Variants in FTCDNL1 observed in about 807,000 individuals in gnomAD.
FTCDNL1 encodes formiminotransferase N-terminal subdomain-containing protein.
A neutral mutation model predicts 5.9 loss-of-function variants in FTCDNL1; 11 were observed. The ratio of observed to expected loss-of-function variants is 1.87; its 90% confidence interval spans 1.18 to 3.10. The LOEUF (loss-of-function observed/expected upper bound fraction) is 3.10, where lower values mean the gene tolerates loss of function less well. FTCDNL1 is among the 30% of genes most tolerant of loss of function. The probability of loss-of-function intolerance (pLI) is 0.00; values close to 1 mark genes in which losing one functional copy is unlikely to be tolerated. For synonymous variants in FTCDNL1, 58 were observed against 24.8 expected (o/e 2.34, Z -3.99); for missense variants, 115 against 65.5 (o/e 1.76, Z -2.61).
At chr2:199,842,518 G>A (rs1382130800) in intron 3 of FTCDNL1, among the ~76,000 whole-genome samples, 1 of 152,082 alleles carries the variant, frequency 6.6e-6, no homozygotes, top group African/African-American at 2.4e-5. Context: ...ATGTCTCTAT[G>A]TATATATACA....
intron 4 of FTCDNL1, 29 bp downstream of exon 4, chr2:199,819,542 AC>A (rs1308851866): frequency 1.2e-5 from 8 of 685,100 alleles, no homozygotes; most frequent in African/African-American, 3.6e-5. Context: ...AAAAAAAAAA[AC>A]AGAGCAAAGC....
At chr2:199,742,339 G>A in the FTCDNL1 span, among the ~76,000 whole-genome samples, 12 of 152,034 alleles carry the variant, frequency 7.9e-5, no homozygotes, top group African/African-American at 2.9e-4. Context: ...GTGGGGTGGG[G>A]GGAATTCCTC....
At chr2:199,705,716 A>C in the FTCDNL1 span, among the ~76,000 whole-genome samples, 1 of 151,366 alleles carries the variant, frequency 6.6e-6, no homozygotes, top group Non-Finnish European at 1.5e-5. Context: ...GTGTAGATGC[A>C]CTTTATCAAG....
At chr2:199,687,846 A>G in the FTCDNL1 span, among the ~76,000 whole-genome samples, 2 of 152,140 alleles carry the variant, frequency 1.3e-5, no homozygotes, top group Non-Finnish European at 2.9e-5. Flanking sequence ...TTTGTAATAT[A>G]TGTGTTTTTA....
downstream of FTCDNL1, among the ~76,000 whole-genome samples, chr2:199,758,741 G>A (rs189707394): frequency 2.1e-4 from 32 of 152,284 alleles, 1 homozygote; most frequent in East Asian, 5.4e-3. Context: ...AGGAAATGGG[G>A]TAGGGGTTTC....
At chr2:199,793,366 A>AG (rs1178478325) in intron 3 of FTCDNL1, among the ~76,000 whole-genome samples, 9 of 152,220 alleles carry the variant, frequency 5.9e-5, no homozygotes, top group Admixed American at 3.3e-4. Flanking sequence ...TAGACGGAGG[A>AG]GGGGGGGCAT....
chr2:199,692,932 G>A, the FTCDNL1 span, among the ~76,000 whole-genome samples: 4 of 152,188 alleles, frequency 2.6e-5, no homozygotes, highest in Non-Finnish European at 4.4e-5. Context: ...AAAGAAAATG[G>A]CTGTGTTTTC....
intron 3 of FTCDNL1, among the ~76,000 whole-genome samples, chr2:199,764,989 G>T (rs1370855998): frequency 2.6e-5 from 4 of 152,074 alleles, no homozygotes; most frequent in Non-Finnish European, 5.9e-5. Flanking sequence ...GCCACTCATG[G>T]GTAAACAGCC....
At chr2:199,750,403 G>T in the FTCDNL1 span, among the ~76,000 whole-genome samples, 2 of 151,856 alleles carry the variant, frequency 1.3e-5, no homozygotes, top group Non-Finnish European at 2.9e-5. Flanking sequence ...AATCTCAGTT[G>T]CTCTATAGGT....
At chr2:199,796,554 G>A (rs1172999945) in intron 3 of FTCDNL1, among the ~76,000 whole-genome samples, 1 of 152,084 alleles carries the variant, frequency 6.6e-6, no homozygotes, top group African/African-American at 2.4e-5. Flanking sequence ...AGTGCACTTG[G>A]TTTTAACTTT....
chr2:199,788,792 C>G (rs17445046), intron 3 of FTCDNL1, among the ~76,000 whole-genome samples: 2,275 of 151,892 alleles, frequency 0.015, 24 homozygotes, highest in Non-Finnish European at 0.023. Flanking sequence ...AAAAGACTCA[C>G]AAGCCTGATT....
chr2:199,835,848 A>C (rs1167500405), intron 3 of FTCDNL1, among the ~76,000 whole-genome samples: 2 of 152,180 alleles, frequency 1.3e-5, no homozygotes, highest in Non-Finnish European at 2.9e-5. Flanking sequence ...TATCTACTGA[A>C]AATCAGAAAA....
intron 3 of FTCDNL1, among the ~76,000 whole-genome samples, chr2:199,796,100 T>C (rs1700157666): frequency 6.6e-6 from 1 of 152,180 alleles, no homozygotes; most frequent in Non-Finnish European, 1.5e-5. Flanking sequence ...TCTAGAGATA[T>C]ATGTTATTGA....
intron 3 of FTCDNL1, among the ~76,000 whole-genome samples, chr2:199,793,473 A>G (rs1700029225): frequency 6.6e-6 from 1 of 152,202 alleles, no homozygotes; most frequent in East Asian, 1.9e-4. Context: ...CTGGAGAACA[A>G]CAAAGGAATA....
chr2:199,713,119 T>A, the FTCDNL1 span, among the ~76,000 whole-genome samples: 1 of 152,198 alleles, frequency 6.6e-6, no homozygotes, highest in Non-Finnish European at 1.5e-5. Context: ...TTTCATCACA[T>A]TCTTTTTTCT....
At chr2:199,711,325 A>G in the FTCDNL1 span, among the ~76,000 whole-genome samples, 3 of 126,546 alleles carry the variant, frequency 2.4e-5, no homozygotes, top group Non-Finnish European at 4.8e-5. Context: ...ACAGACCCAT[A>G]TGTGTAATGA....
At chr2:199,693,745 G>A in the FTCDNL1 span, among the ~76,000 whole-genome samples, 3 of 152,160 alleles carry the variant, frequency 2.0e-5, no homozygotes, top group Non-Finnish European at 4.4e-5. Flanking sequence ...TAAATTATCA[G>A]AGCATTAGTA....
chr2:199,675,450 G>A, the FTCDNL1 span, among the ~76,000 whole-genome samples: 2,582 of 152,094 alleles, frequency 0.017, 55 homozygotes, highest in East Asian at 0.056. Flanking sequence ...ATTTAATCTT[G>A]TTAATAAATT....
At chr2:199,756,442 C>A (rs191630506), downstream of FTCDNL1, among the ~76,000 whole-genome samples, 1 of 152,322 alleles carries the variant, frequency 6.6e-6, no homozygotes, top group Admixed American at 6.5e-5. Context: ...TTTCACTTCA[C>A]ATTTTGAGCC....
Sources: allele counts gnomAD v4.1 joint callset (sites outside exome capture counted in the v4.1 genomes callset), GRCh38; gene constraint gnomAD v4.1.1; transcripts MANE v1.5; gene names NCBI Gene and HGNC (gene_info 2026-07-23, HGNC 2026-07-21).